Variants in BRF1 observed in about 807,000 individuals in gnomAD.
The protein encoded by BRF1 is transcription factor IIIB 90 kDa subunit.
BRF1 carries 59 observed loss-of-function variants against 81.7 expected under a neutral mutation model. The ratio of observed to expected loss-of-function variants is 0.72; its 90% CI spans 0.59 to 0.90. BRF1 has a LOEUF of 0.90. BRF1 is among the 40% of genes least tolerant of loss of function. The pLI, the probability that BRF1 is intolerant of heterozygous loss-of-function variation, is 0.00. For missense variants in BRF1, 1,050 were observed against 936.3 expected (o/e 1.12, Z -1.58); for synonymous variants, 491 against 395.6 (o/e 1.24, Z -2.86).
chr14:105,307,823 T>A (rs1249850903), intron 1 of BRF1, among the ~76,000 whole-genome samples: 1 of 152,242 alleles, frequency 6.6e-6, no homozygotes, highest in East Asian at 1.9e-4. Context: ...GGCAAGTCCC[T>A]GTTCCTGTCT....
rs587631092 is a variant in BRF1, at chr14:105,263,006, C to T, written c.440-6457G>A. 2.6e-5 allele frequency among the ~76,000 whole-genome samples: 4 copies of T among 151,686 alleles called. No individual in the cohort carries two copies. The South Asian group carries it at 6.2e-4, about 24-fold the overall frequency. On this transcript the variant is annotated intron_variant, in intron 3 of 17. Coordinates refer to ENST00000547530, the MANE Select transcript of BRF1 (RefSeq NM_001519.4). The stretch of plus-strand genomic sequence containing the variant: ...CTGTAATCCCAACACTTTGGGAGGC[C>T]GAGGCGGGCAGATGACAACGTCAAG...
chr14:105,249,503 A>T, intron 5 of BRF1: 1 of 1,455,242 alleles, frequency 6.9e-7, no homozygotes, highest in Non-Finnish European at 9.6e-7. Context: ...CTGGGGAGGG[A>T]CGGGTGGGTC....
At chr14:105,250,867 AGT>A in intron 5 of BRF1, 1 of 636,794 alleles carries the variant, frequency 1.6e-6, no homozygotes, top group South Asian at 2.0e-5. Flanking sequence ...TCTCTGGTAC[AGT>A]GGGGTGCACG....
intron 3 of BRF1, among the ~76,000 whole-genome samples, chr14:105,266,694 C>T (rs951921315): frequency 7.9e-5 from 12 of 152,090 alleles, no homozygotes; most frequent in African/African-American, 2.9e-4. Context: ...CAGGACCATG[C>T]TGAGTCCTCG....
Position 105,278,647 on chromosome 14 carries a change from T to A in BRF1, c.266-5753A>T, listed in dbSNP as rs149377599. Reference sequence around the variant, plus strand: ...CTGGCAGGGTGCAGTGGCTCACACCTGTCATCCCAGCACTTTGGGAGGCTG... The same window carrying A: ...CTGGCAGGGTGCAGTGGCTCACACCAGTCATCCCAGCACTTTGGGAGGCTG... On this transcript the variant is annotated intron_variant, in intron 2 of 17. Coordinates refer to ENST00000547530, the MANE Select transcript of BRF1 (RefSeq NM_001519.4). Among the ~76,000 whole-genome samples the A allele has an allele frequency of 7.4e-3, 1,123 of 151,632 alleles. 15 individuals carry two copies. The highest frequency in any genetic ancestry group is 0.026 in the African/African-American group (1,075 of 41,362).
At chr14:105,258,175 A>G (rs2055973523) in intron 3 of BRF1, among the ~76,000 whole-genome samples, 1 of 152,210 alleles carries the variant, frequency 6.6e-6, no homozygotes, top group South Asian at 2.1e-4. Flanking sequence ...TTTTCTGTAA[A>G]CTAAGACTGC....
rs587600473 is a variant in BRF1, at chr14:105,226,362, G to A, written c.916-72C>T. ...CACAGCGCAGCCTCTGGGGTGCCGC[G>A]TGGGCCCCAGGGACCACAGGCTGCT... On this transcript the variant is annotated intron_variant, in intron 8 of 17. Transcript: ENST00000547530. 153 of 1,590,020 alleles carry A rather than the reference G, an allele frequency of 9.6e-5. No individual in the cohort carries two copies. The South Asian group carries it at 1.4e-3, about 15-fold the overall frequency.
At chr14:105,249,145 C>T in intron 5 of BRF1, 2 of 1,563,856 alleles carry the variant, frequency 1.3e-6, no homozygotes, top group East Asian at 2.3e-5. Context: ...GCCCGTGCCT[C>T]TACCTTTGCA....
At chr14:105,220,741 C>T (rs1178458108) in intron 11 of BRF1, among the ~76,000 whole-genome samples, 2 of 152,240 alleles carry the variant, frequency 1.3e-5, no homozygotes, top group Non-Finnish European at 2.9e-5. Context: ...CTGCCTGCCC[C>T]GTGCTGCCAA....
rs934453184 is a variant in BRF1, at chr14:105,288,408, T to C, written c.185-2032A>G. On this transcript the variant is annotated intron_variant, in intron 1 of 17. Coordinates refer to ENST00000547530, the MANE Select transcript of BRF1 (RefSeq NM_001519.4). Reference sequence around the variant, plus strand: ...TGGAGGTTGCAGTGAGCAGAGATGGTGCCACTGCACTCCAGCCTGGGTGAC... The same window carrying C: ...TGGAGGTTGCAGTGAGCAGAGATGGCGCCACTGCACTCCAGCCTGGGTGAC... Among the ~76,000 whole-genome samples, 145 of 151,772 alleles carry C rather than the reference T, an allele frequency of 9.6e-4. 1 individual carries two copies. Among genetic ancestry groups the C allele is most frequent in the African/African-American group, 3.3e-3 (135 of 41,404 alleles).
intron 12 of BRF1, chr14:105,219,740 G>A (rs1192908848): frequency 2.1e-6 from 1 of 471,140 alleles, no homozygotes; most frequent in Admixed American, 3.5e-5. Flanking sequence ...GGAGTCAGTG[G>A]GTGCCCTCTT....
intron 3 of BRF1, among the ~76,000 whole-genome samples, chr14:105,270,396 C>A (rs587697797): frequency 6.6e-6 from 1 of 151,858 alleles, no homozygotes; most frequent in Non-Finnish European, 1.5e-5. Flanking sequence ...AGGATGGTCT[C>A]GATCTCCTGA....
chr14:105,249,120 G>GCGCCCACGCC, intron 5 of BRF1: 2 of 1,507,826 alleles, frequency 1.3e-6, no homozygotes, highest in Non-Finnish European at 1.8e-6. Context: ...GCGCCCGCGC[G>GCGCCCACGCC]CGCCCACGCC....
intron 8 of BRF1, 58 bp downstream of exon 8, chr14:105,226,576 G>T (rs1255041114): frequency 8.1e-6 from 13 of 1,606,744 alleles, no homozygotes; most frequent in Middle Eastern, 3.4e-4. Flanking sequence ...GTCGGGGTGT[G>T]TGGCTTCCCC....
chr14:105,303,142 T>C (rs1455344271), upstream of BRF1, among the ~76,000 whole-genome samples: 1 of 152,238 alleles, frequency 6.6e-6, no homozygotes, highest in Admixed American at 6.5e-5. Flanking sequence ...TTGGCTAGGC[T>C]GGTCCCAAAC....
chr14:105,290,813 C>T (rs1215083196), intron 1 of BRF1, among the ~76,000 whole-genome samples: 1 of 151,974 alleles, frequency 6.6e-6, no homozygotes, highest in African/African-American at 2.4e-5. Context: ...TGTCCCCCAA[C>T]ACCACAGTCA....
At chr14:105,262,885 G>A (rs748724112) in intron 3 of BRF1, among the ~76,000 whole-genome samples, 34 of 151,986 alleles carry the variant, frequency 2.2e-4, no homozygotes, top group Non-Finnish European at 4.1e-4. Context: ...GGCCAGGATT[G>A]CCTGAGGACA....
chr14:105,249,374 C>T, intron 5 of BRF1: 2 of 1,611,294 alleles, frequency 1.2e-6, no homozygotes, highest in South Asian at 1.1e-5. Context: ...TCTTGGCTGT[C>T]GGCAGCTCCG....
rs1889919087 is a variant in BRF1, at chr14:105,210,308, C to T, written c.*243G>A. On this transcript the variant is annotated 3_prime_UTR_variant, in exon 18 of 18. Coordinates refer to ENST00000547530, the MANE Select transcript of BRF1 (RefSeq NM_001519.4). This position sits in a 1 kb window ranked among gnomAD's most constrained non-coding sequence, Gnocchi z 4.7. ...TCGACGGCAGGCAGCGGGACCCAGCCCTGCACACACCCGGCCCACATCTGA... is the reference window on the plus strand; with the variant it reads ...TCGACGGCAGGCAGCGGGACCCAGCTCTGCACACACCCGGCCCACATCTGA... 1.8e-6 allele frequency: 1 copy of T among 550,968 alleles called. No individual in the cohort carries two copies. The highest frequency in any genetic ancestry group is 3.3e-6 in the Non-Finnish European group (1 of 305,680). The allele number at this position is 550,968 out of a possible 1,614,324, so 34.1% of individuals were successfully genotyped here.
Sources: allele counts gnomAD v4.1 joint callset (sites outside exome capture counted in the v4.1 genomes callset), GRCh38; gene constraint gnomAD v4.1.1; non-coding constraint Gnocchi (gnomAD v3.1); transcripts MANE v1.5; gene names NCBI Gene and HGNC (gene_info 2026-07-23, HGNC 2026-07-21).